Variants in FNDC3A observed in about 807,000 individuals in gnomAD.
FNDC3A encodes the protein fibronectin type-III domain-containing protein 3A.
FNDC3A carries 32 observed loss-of-function variants against 148.9 expected under a neutral mutation model. The observed-to-expected ratio is 0.21, with a 90% CI of 0.16 to 0.29. The LOEUF (loss-of-function observed/expected upper bound fraction) is 0.29. Ranked by LOEUF, FNDC3A falls within the 10% of genes least tolerant of loss-of-function variation. The pLI is 1.00. For missense variants in FNDC3A, 1,191 were observed against 1,452.8 expected, an observed-to-expected ratio of 0.82 and a Z score of 2.93; for synonymous variants, 472 against 473.6, an observed-to-expected ratio of 1.00 and a Z score of 0.04.
chr13:49,106,027 C>T (rs1880152860), intron 3 of FNDC3A, among the ~76,000 whole-genome samples: 1 of 152,204 alleles, frequency 6.6e-6, no homozygotes, highest in Admixed American at 6.5e-5. Flanking sequence ...CACTCCTTTT[C>T]TCCCCCTTCA....
intron 23 of FNDC3A, 41 bp downstream of exon 23, chr13:49,198,615 C>A: frequency 6.9e-7 from 1 of 1,449,974 alleles, no homozygotes; most frequent in Non-Finnish European, 9.7e-7. Flanking sequence ...TTTCTTAGGT[C>A]TTAAGTATAT....
At chr13:48,990,883 A>C (rs1473185362) in intron 1 of FNDC3A, among the ~76,000 whole-genome samples, 1 of 152,224 alleles carries the variant, frequency 6.6e-6, no homozygotes, top group Non-Finnish European at 1.5e-5. Context: ...GAAGTAGTGT[A>C]TTACTTGAAG....
chr13:49,091,856 T>C (rs952561136), intron 3 of FNDC3A, among the ~76,000 whole-genome samples: 2 of 152,238 alleles, frequency 1.3e-5, no homozygotes, highest in Non-Finnish European at 1.5e-5. Context: ...GATGGAATGC[T>C]GCCATGCATA....
In FNDC3A at chr13:49,063,836, T is replaced by C. The variant is rs77596968; in HGVS notation, c.100-11453T>C. ...GTAATATAAAATGAAACCCAGAAGCTATAAAGGAAAACATATTGATATAAT... is the reference window on the plus strand; with the variant it reads ...GTAATATAAAATGAAACCCAGAAGCCATAAAGGAAAACATATTGATATAAT... On this transcript the variant is annotated intron_variant, in intron 2 of 25. Coordinates refer to ENST00000492622, the MANE Select transcript of FNDC3A (RefSeq NM_001079673.2). Among the ~76,000 whole-genome samples, 428 of 152,280 alleles carry C rather than the reference T, an allele frequency of 2.8e-3. 2 individuals carry two copies. The highest frequency in any genetic ancestry group is 9.8e-3 in the African/African-American group (407 of 41,544).
chr13:48,984,711 A>G (rs1450891045), intron 1 of FNDC3A, among the ~76,000 whole-genome samples: 2 of 152,098 alleles, frequency 1.3e-5, no homozygotes, highest in Non-Finnish European at 2.9e-5. Flanking sequence ...TTTGAGATGG[A>G]GTCTCGCTCT....
At chr13:49,147,942 T>G (rs535299539) in intron 8 of FNDC3A, among the ~76,000 whole-genome samples, 50 of 152,320 alleles carry the variant, frequency 3.3e-4, no homozygotes, top group African/African-American at 1.2e-3. Context: ...GGTAAAATGA[T>G]CTCATTGTAA....
At chr13:49,133,384 G>A (rs1882149858) in intron 5 of FNDC3A, among the ~76,000 whole-genome samples, 1 of 152,140 alleles carries the variant, frequency 6.6e-6, no homozygotes, top group African/African-American at 2.4e-5. Flanking sequence ...AAAACCCCTT[G>A]TTATTCTGTA....
At chr13:49,019,526 C>T (rs1206906776) in intron 2 of FNDC3A, among the ~76,000 whole-genome samples, 4 of 152,190 alleles carry the variant, frequency 2.6e-5, no homozygotes, top group African/African-American at 4.8e-5. Flanking sequence ...GAGATGAACC[C>T]GGTACCTCAG....
intron 1 of FNDC3A, among the ~76,000 whole-genome samples, chr13:48,988,887 A>C (rs895923866): frequency 6.6e-6 from 1 of 152,006 alleles, no homozygotes; most frequent in Admixed American, 6.6e-5. Flanking sequence ...AGTAATTTAT[A>C]AGTTAAAGCT....
intron 1 of FNDC3A, among the ~76,000 whole-genome samples, chr13:48,979,153 A>T (rs944906205): frequency 1.3e-5 from 2 of 152,038 alleles, no homozygotes; most frequent in African/African-American, 4.8e-5. Context: ...TTCCTCCAAG[A>T]TTGAGAACTA....
chr13:49,013,701 CTCG>C (rs1952422683), intron 2 of FNDC3A, among the ~76,000 whole-genome samples: 1 of 149,260 alleles, frequency 6.7e-6, no homozygotes, highest in South Asian at 2.1e-4. Flanking sequence ...CACCCACTAA[CTCG>C]TCATCTATCA....
At chr13:49,083,930 T>C in intron 3 of FNDC3A, among the ~76,000 whole-genome samples, 1 of 152,244 alleles carries the variant, frequency 6.6e-6, no homozygotes, top group African/African-American at 2.4e-5. Flanking sequence ...ATAATCTGTT[T>C]ATTAAACTGA....
chr13:48,991,967 G>A, intron 1 of FNDC3A, among the ~76,000 whole-genome samples: 1 of 152,174 alleles, frequency 6.6e-6, no homozygotes. Context: ...AGTGTTGAAT[G>A]TCTCGTGTAA....
intron 2 of FNDC3A, among the ~76,000 whole-genome samples, chr13:49,035,878 A>G (rs1164570797): frequency 6.6e-6 from 1 of 152,138 alleles, no homozygotes; most frequent in Non-Finnish European, 1.5e-5. Context: ...TCATGGAACT[A>G]AAATCCAAAT....
rs148505529 is a variant in FNDC3A, at chr13:49,013,622, G to A, written c.99+7333G>A. ...TGTACACGTGTATACATGTGTACAC[G>A]TGTATACATGTATACATGTACATGT... On this transcript the variant is annotated intron_variant, in intron 2 of 25. Coordinates refer to ENST00000492622, the MANE Select transcript of FNDC3A (RefSeq NM_001079673.2). Among the ~76,000 whole-genome samples, 684 of 150,650 alleles carry A rather than the reference G, an allele frequency of 4.5e-3. 4 individuals carry two copies. Among genetic ancestry groups the A allele is most frequent in the African/African-American group, 0.016 (639 of 41,132 alleles).
intron 1 of FNDC3A, among the ~76,000 whole-genome samples, chr13:48,983,977 G>A (rs7998359): frequency 0.62 from 94,624 of 151,882 alleles, 30,107 homozygotes; most frequent in Non-Finnish European, 0.68. Context: ...AATACAAATA[G>A]CAAAAAAATA....
chr13:49,207,423 TAC>T lies in FNDC3A; in HGVS notation c.*30_*31del, dbSNP rs1319640403. ...ATATAACTTTATTTTTTAACTCTAT[TAC>T]ATTTTATTTTGTCATGTACTAAAAT... On this transcript the variant is annotated 3_prime_UTR_variant, in exon 26 of 26. Transcript: ENST00000492622. 4.5e-6 allele frequency: 6 copies of T among 1,347,822 alleles called. No homozygotes were observed. The highest frequency in any genetic ancestry group is 6.1e-6 in the Non-Finnish European group (6 of 975,680). The allele number at this position is 1,347,822 out of a possible 1,614,324, so 83.5% of individuals were successfully genotyped here. A position where few individuals can be genotyped will look rare whatever the true frequency, so the allele number is the denominator to read the frequency against.
At chr13:49,043,475 C>A (rs1281718150) in intron 2 of FNDC3A, among the ~76,000 whole-genome samples, 1 of 151,990 alleles carries the variant, frequency 6.6e-6, no homozygotes, top group African/African-American at 2.4e-5. Flanking sequence ...TTTCCGAGAC[C>A]ATTTAGGTCA....
chr13:49,128,651 C>A (rs574367925), intron 4 of FNDC3A, among the ~76,000 whole-genome samples: 3 of 152,166 alleles, frequency 2.0e-5, no homozygotes, highest in Non-Finnish European at 4.4e-5. Context: ...TGAACTCCAA[C>A]TCCTTAATAG....
Sources: allele counts gnomAD v4.1 joint callset (sites outside exome capture counted in the v4.1 genomes callset), GRCh38; gene constraint gnomAD v4.1.1; transcripts MANE v1.5; gene names NCBI Gene and HGNC (gene_info 2026-07-23, HGNC 2026-07-21).